SMARCC1: variants seen among roughly 807,000 people sequenced by gnomAD.
SMARCC1 encodes SWI/SNF complex subunit SMARCC1.
A neutral mutation model predicts 147.4 loss-of-function variants in SMARCC1; 43 were observed. The observed-to-expected ratio is 0.29, with a 90% CI of 0.23 to 0.38. The LOEUF (loss-of-function observed/expected upper bound fraction) is 0.38, where lower values mean the gene tolerates loss of function less well. Among genes scored for constraint, SMARCC1 ranks in the 10% least tolerant of loss-of-function variants. The pLI, the probability that SMARCC1 is intolerant of heterozygous loss-of-function variation, is 1.00. For synonymous variants in SMARCC1, 495 were observed against 484.4 expected, an observed-to-expected ratio of 1.02 and a Z score of -0.29; for missense variants, 1,119 against 1,381.1, an observed-to-expected ratio of 0.81 and a Z score of 3.01.
At chr3:47,598,886 CACAG>C (rs1414564094) in intron 26 of SMARCC1, among the ~76,000 whole-genome samples, 1 of 146,564 alleles carries the variant, frequency 6.8e-6, no homozygotes, top group African/African-American at 2.6e-5. Context: ...CACACACACA[CACAG>C]AGACAAAGAC....
chr3:47,701,246 A>C (rs759198838), intron 11 of SMARCC1, 32 bp downstream of exon 11: 100 of 1,597,726 alleles, frequency 6.3e-5, no homozygotes, highest in Non-Finnish European at 8.1e-5. Flanking sequence ...GACTAAATTA[A>C]ATCTAACACT....
At chr3:47,754,207 C>CT (rs35175630) in intron 2 of SMARCC1, among the ~76,000 whole-genome samples, 39,443 of 144,716 alleles carry the variant, frequency 0.27, 5,567 homozygotes, top group South Asian at 0.41. Context: ...GAACTTTACT[C>CT]TTTTTTTTTT....
At chr3:47,668,352 TA>T (rs1448508097) in intron 19 of SMARCC1, among the ~76,000 whole-genome samples, 1 of 152,134 alleles carries the variant, frequency 6.6e-6, no homozygotes, top group Non-Finnish European at 1.5e-5. Context: ...TCTTACAGAG[TA>T]ATTTCTTTTT....
chr3:47,733,691 G>A (rs1406419264), intron 5 of SMARCC1, among the ~76,000 whole-genome samples: 2 of 151,682 alleles, frequency 1.3e-5, no homozygotes, highest in African/African-American at 2.4e-5. Flanking sequence ...TCGAAACCCC[G>A]TCTCTACTAA....
chr3:47,683,700 G>A lies in SMARCC1; in HGVS notation c.1385+2349C>T, dbSNP rs569469638. On this transcript the variant is annotated intron_variant, in intron 14 of 27. Coordinates refer to ENST00000254480, the MANE Select transcript of SMARCC1 (RefSeq NM_003074.4). ...GATTGCGCCGCTGCACTCCAGCCTG[G>A]GCAACAGACTGAGACTCCGTCTCAA... Among the ~76,000 whole-genome samples the A allele has an allele frequency of 2.0e-5, 3 of 151,734 alleles. No homozygotes were observed. The East Asian group carries it at 5.9e-4, about 30-fold the overall frequency.
Position 47,616,801 on chromosome 3 carries a change from T to C in SMARCC1, c.2781+5406A>G, listed in dbSNP as rs1180566248. On this transcript the variant is annotated intron_variant, in intron 25 of 27. Transcript: ENST00000254480. ...CAATTACTTAAGACTAAAAAGAACA[T>C]CTGGCTTTAAGTCATTAGAGGGAAA... Among the ~76,000 whole-genome samples, 3 of 152,174 alleles carry C rather than the reference T, an allele frequency of 2.0e-5. No homozygotes were observed. In the East Asian group the frequency reaches 5.8e-4, roughly 29 times the overall value.
intron 26 of SMARCC1, among the ~76,000 whole-genome samples, chr3:47,602,109 G>A (rs1415847874): frequency 6.6e-6 from 1 of 152,094 alleles, no homozygotes; most frequent in African/African-American, 2.4e-5. Flanking sequence ...GTAGGGTTGT[G>A]TAAGTAGGTG....
intron 2 of SMARCC1, among the ~76,000 whole-genome samples, chr3:47,766,102 C>T (rs2034837376): frequency 6.6e-6 from 1 of 152,104 alleles, no homozygotes; most frequent in African/African-American, 2.4e-5. Flanking sequence ...CTCAAGATCT[C>T]CTGGAGCTGT....
intron 11 of SMARCC1, among the ~76,000 whole-genome samples, chr3:47,697,133 C>T (rs761932961): frequency 2.0e-5 from 3 of 152,042 alleles, no homozygotes; most frequent in South Asian, 2.1e-4. Flanking sequence ...CCAGCTTGGG[C>T]GGTATGGCAA....
rs897568571 is a variant in SMARCC1 at position 47,586,616 on chromosome 3, C to G, written c.*1593G>C. 3 of 152,556 alleles carry G rather than the reference C, an allele frequency of 2.0e-5. No individual in the cohort carries two copies. Among genetic ancestry groups the G allele is most frequent in the African/African-American group, 7.2e-5 (3 of 41,416 alleles). 9.5% of individuals were successfully genotyped at this position (152,556 alleles called of 1,614,324 possible). On this transcript the variant is annotated 3_prime_UTR_variant, in exon 28 of 28. Coordinates refer to ENST00000254480, the MANE Select transcript of SMARCC1 (RefSeq NM_003074.4). ...TTCTGATATTAAGGAAAAAAGTTCT[C>G]AAGTGTTTTATAAACACCTCCCTAT...
At chr3:47,650,835 A>G (rs2033181263) in intron 21 of SMARCC1, among the ~76,000 whole-genome samples, 1 of 152,146 alleles carries the variant, frequency 6.6e-6, no homozygotes, top group South Asian at 2.1e-4. Context: ...ATAAAAATAA[A>G]TAAAGAAAAG....
At chr3:47,714,675 T>G (rs1045203814) in intron 7 of SMARCC1, among the ~76,000 whole-genome samples, 185 bp from the exon 8 acceptor site, 1 of 151,816 alleles carries the variant, frequency 6.6e-6, no homozygotes, top group Non-Finnish European at 1.5e-5. Flanking sequence ...GTGATTGTAG[T>G]CCCCACTACC....
chr3:47,649,066 A>T (rs1370952932), intron 21 of SMARCC1, among the ~76,000 whole-genome samples: 1 of 152,202 alleles, frequency 6.6e-6, no homozygotes, highest in Non-Finnish European at 1.5e-5. Context: ...TCCAATTATG[A>T]GCTATTCAGA....
intron 11 of SMARCC1, among the ~76,000 whole-genome samples, chr3:47,700,906 A>C (rs1431968521): frequency 6.6e-6 from 1 of 152,182 alleles, no homozygotes; most frequent in Non-Finnish European, 1.5e-5. Flanking sequence ...ACTTAGAAGA[A>C]ATTCATTACC....
intron 5 of SMARCC1, among the ~76,000 whole-genome samples, chr3:47,734,556 A>G (rs1420313436): frequency 6.6e-6 from 1 of 152,216 alleles, no homozygotes; most frequent in East Asian, 1.9e-4. Flanking sequence ...TCAGTCACAT[A>G]AAGAATGTTT....
At chr3:47,669,727 T>C (rs527947924) in intron 19 of SMARCC1, among the ~76,000 whole-genome samples, 28 of 152,030 alleles carry the variant, frequency 1.8e-4, no homozygotes, top group Admixed American at 1.8e-3. Flanking sequence ...CAAGAAAAAG[T>C]AAAAGAGGAA....
chr3:47,756,556 G>T (rs987271940), intron 2 of SMARCC1, among the ~76,000 whole-genome samples: 8 of 138,784 alleles, frequency 5.8e-5, no homozygotes, highest in Admixed American at 1.4e-4. Flanking sequence ...AAAAAAAAAA[G>T]GCAAAGATTT....
intron 2 of SMARCC1, among the ~76,000 whole-genome samples, chr3:47,756,066 C>A (rs13098128): frequency 0.61 from 88,976 of 147,052 alleles, 28,145 homozygotes; most frequent in East Asian, 0.73. Context: ...TACAGCCACT[C>A]AGGAAGCTGA....
chr3:47,738,134 T>C, intron 3 of SMARCC1, 24 bp from the exon 4 acceptor site: 1 of 1,493,794 alleles, frequency 6.7e-7, no homozygotes, highest in Middle Eastern at 1.7e-4. Context: ...AAAACCCTAG[T>C]TAATTTGTCT....
Sources: allele counts gnomAD v4.1 joint callset (sites outside exome capture counted in the v4.1 genomes callset), GRCh38; gene constraint gnomAD v4.1.1; transcripts MANE v1.5; gene names NCBI Gene and HGNC (gene_info 2026-07-23, HGNC 2026-07-21).